NELL2: variants seen among roughly 807,000 people sequenced by gnomAD.
NELL2 encodes the protein protein kinase C-binding protein NELL2.
A neutral mutation model predicts 109.6 loss-of-function variants in NELL2; 41 were observed. The observed-to-expected ratio is 0.37, with a 90% CI of 0.29 to 0.49. The LOEUF is 0.49. NELL2 is among the 20% of genes least tolerant of loss of function. The pLI is 0.98. For missense variants in NELL2, 900 were observed against 1,008.3 expected, an observed-to-expected ratio of 0.89 and a Z score of 1.45; for synonymous variants, 355 against 344.7, an observed-to-expected ratio of 1.03 and a Z score of -0.33.
At chr12:44,531,179 G>T (rs1021277649) in intron 16 of NELL2, among the ~76,000 whole-genome samples, 1 of 152,120 alleles carries the variant, frequency 6.6e-6, no homozygotes, top group Non-Finnish European at 1.5e-5. Context: ...ATGGGGAAAG[G>T]GGGGAAGAGA....
At chr12:44,824,155 C>T (rs1050254058) in intron 2 of NELL2, among the ~76,000 whole-genome samples, 3 of 152,206 alleles carry the variant, frequency 2.0e-5, no homozygotes, top group Non-Finnish European at 4.4e-5. Context: ...GCTAGGTGGA[C>T]ATTGGACAAT....
At chr12:44,689,290 T>C (rs548199668) in intron 12 of NELL2, among the ~76,000 whole-genome samples, 1 of 152,358 alleles carries the variant, frequency 6.6e-6, no homozygotes, top group African/African-American at 2.4e-5. Context: ...AAAGCTATTA[T>C]ATAAAATGCT....
chr12:44,681,599 G>C (rs1361190049), intron 12 of NELL2, among the ~76,000 whole-genome samples: 7 of 151,744 alleles, frequency 4.6e-5, no homozygotes, highest in Admixed American at 3.9e-4. Context: ...CCCAGACTGT[G>C]ATGTTCCCCT....
At chr12:44,581,758 G>C (rs1355112573) in intron 15 of NELL2, among the ~76,000 whole-genome samples, 2 of 152,090 alleles carry the variant, frequency 1.3e-5, no homozygotes, top group Non-Finnish European at 2.9e-5. Context: ...TCAATTGAAA[G>C]CTATTACTGA....
At chr12:44,554,551 G>C (rs1296100078) in intron 15 of NELL2, among the ~76,000 whole-genome samples, 3 of 152,148 alleles carry the variant, frequency 2.0e-5, no homozygotes, top group Non-Finnish European at 4.4e-5. Context: ...TTCCGTGGAT[G>C]TATAACATAT....
At chr12:44,809,481 G>C (rs1943105574) in intron 3 of NELL2, among the ~76,000 whole-genome samples, 2 of 151,920 alleles carry the variant, frequency 1.3e-5, no homozygotes, top group African/African-American at 2.4e-5. Context: ...ATTACTGTCT[G>C]GTTTTTTTTA....
chr12:44,672,042 GTT>G (rs1948155918), intron 12 of NELL2, among the ~76,000 whole-genome samples: 1 of 152,202 alleles, frequency 6.6e-6, no homozygotes. Context: ...AACAAAAGTG[GTT>G]CCTGGTGAGA....
At chr12:44,885,619 G>A (rs1436280445) in intron 1 of NELL2, among the ~76,000 whole-genome samples, 1 of 151,884 alleles carries the variant, frequency 6.6e-6, no homozygotes, top group Non-Finnish European at 1.5e-5. Flanking sequence ...ACTTTGCTGA[G>A]TGAAATTAAA....
chr12:44,671,539 A>G, intron 12 of NELL2, among the ~76,000 whole-genome samples: 1 of 152,222 alleles, frequency 6.6e-6, no homozygotes, highest in East Asian at 1.9e-4. Flanking sequence ...ACATAGAATA[A>G]CAAAGAATAA....
chr12:44,854,725 T>C (rs374765144), intron 2 of NELL2, among the ~76,000 whole-genome samples: 37 of 151,726 alleles, frequency 2.4e-4, no homozygotes, highest in South Asian at 8.4e-4. Context: ...GGTGGATGGA[T>C]GGATGGATGG....
intron 2 of NELL2, among the ~76,000 whole-genome samples, chr12:44,854,154 C>T (rs1944608675): frequency 6.6e-6 from 1 of 152,156 alleles, no homozygotes; most frequent in South Asian, 2.1e-4. Flanking sequence ...ACTTAATGGT[C>T]CATCAGTACA....
At chr12:44,693,149 T>G (rs1948949687) in intron 12 of NELL2, among the ~76,000 whole-genome samples, 2 of 152,174 alleles carry the variant, frequency 1.3e-5, no homozygotes, top group African/African-American at 4.8e-5. Flanking sequence ...CATCCTAACC[T>G]TCAGCAACTA....
intron 14 of NELL2, among the ~76,000 whole-genome samples, chr12:44,608,916 G>A (rs886621164): frequency 6.0e-5 from 9 of 149,412 alleles, no homozygotes; most frequent in African/African-American, 1.7e-4. Flanking sequence ...ATATATATAT[G>A]TATATATATA....
At chr12:44,807,247 C>A (rs1007695952) in intron 3 of NELL2, among the ~76,000 whole-genome samples, 1 of 151,444 alleles carries the variant, frequency 6.6e-6, no homozygotes, top group Non-Finnish European at 1.5e-5. Context: ...TATAAGGCAT[C>A]ATTTACAAGA....
chr12:44,819,923 T>C (rs1416401561), intron 2 of NELL2, among the ~76,000 whole-genome samples: 2 of 152,118 alleles, frequency 1.3e-5, no homozygotes, highest in African/African-American at 2.4e-5. Flanking sequence ...GCCTCCCACC[T>C]ATAACGGAGA....
At chr12:44,666,671 AGCTAACTATTTATTT>A (rs1293709930) in intron 12 of NELL2, among the ~76,000 whole-genome samples, 2 of 152,162 alleles carry the variant, frequency 1.3e-5, no homozygotes, top group Non-Finnish European at 2.9e-5. Flanking sequence ...CATTCATCTG[AGCTAACTATTTATTT>A]TATAGAGGGA....
chr12:44,817,070 G>A (rs1943377808), intron 2 of NELL2, among the ~76,000 whole-genome samples: 1 of 152,198 alleles, frequency 6.6e-6, no homozygotes, highest in African/African-American at 2.4e-5. Context: ...TTCAATGGAA[G>A]AACTGGCATT....
At chr12:44,791,095 A>G (rs368286718) in intron 3 of NELL2, among the ~76,000 whole-genome samples, 155 of 13,802 alleles carry the variant, frequency 0.011, 13 homozygotes, top group Non-Finnish European at 0.018. Context: ...ATATATATAT[A>G]TGTATATATA....
At chr12:44,918,513 ATGTATGTGTGTGTGTGTGTG>A (rs1346260402), upstream of NELL2, among the ~76,000 whole-genome samples, 1 of 121,310 alleles carries the variant, frequency 8.2e-6, no homozygotes, top group Non-Finnish European at 1.8e-5. Context: ...TCATGCATGC[ATGTATGTGTGTGTGTGTGTG>A]TGTGTGTGTG....
Sources: allele counts gnomAD v4.1 joint callset (sites outside exome capture counted in the v4.1 genomes callset), GRCh38; gene constraint gnomAD v4.1.1; transcripts MANE v1.5; gene names NCBI Gene and HGNC (gene_info 2026-07-23, HGNC 2026-07-21).